The following CPNE8 variants were observed in gnomAD, a reference collection of about 807,000 sequenced individuals.
The protein encoded by CPNE8 is copine 8.
Under a neutral mutation model 81.5 loss-of-function variants are expected in CPNE8, and 45 were observed. The observed-to-expected ratio is 0.55, with a 90% CI of 0.44 to 0.71. The LOEUF is 0.71. Ranked by LOEUF, CPNE8 falls within the 30% of genes least tolerant of loss-of-function variation. CPNE8 has a pLI of 0.00. For missense variants in CPNE8, 594 were observed against 672.1 expected, an observed-to-expected ratio of 0.88 and a Z score of 1.28; for synonymous variants, 252 against 226.3, an observed-to-expected ratio of 1.11 and a Z score of -1.02.
chr12:38,880,483 GC>G (rs1412264410), intron 1 of CPNE8, among the ~76,000 whole-genome samples: 3 of 152,154 alleles, frequency 2.0e-5, no homozygotes, highest in African/African-American at 7.2e-5. Context: ...AGCATTTGGG[GC>G]CTTTGCTCTA....
At chr12:38,878,899 G>C (rs1242617499) in intron 1 of CPNE8, among the ~76,000 whole-genome samples, 2 of 152,030 alleles carry the variant, frequency 1.3e-5, no homozygotes, top group Admixed American at 1.3e-4. Context: ...TAACTAAACA[G>C]CAATATAGGA....
intron 10 of CPNE8, among the ~76,000 whole-genome samples, chr12:38,739,695 A>G (rs1941045184): frequency 6.6e-6 from 1 of 152,176 alleles, no homozygotes; most frequent in South Asian, 2.1e-4. Context: ...AGTTGATATA[A>G]TTAATTAGCG....
At chr12:38,749,427 G>C in intron 10 of CPNE8, among the ~76,000 whole-genome samples, 1 of 152,038 alleles carries the variant, frequency 6.6e-6, no homozygotes, top group Non-Finnish European at 1.5e-5. Context: ...ATGTGGAAAC[G>C]ACTTTGGAAC....
chr12:38,773,380 T>C lies in CPNE8; in HGVS notation c.471+2858A>G, dbSNP rs79529548. Among the ~76,000 whole-genome samples, 362 of 152,218 alleles carry C rather than the reference T, an allele frequency of 2.4e-3. 10 individuals carry two copies. In the East Asian group the frequency reaches 0.064, roughly 27 times the overall value. ...GGGGAACCATTGTAAGTGACTAATA[T>C]ATGACATTGATTGTGGTGATGGTTT... On this transcript the variant is annotated intron_variant, in intron 7 of 19. Transcript: ENST00000331366.
In CPNE8 at chr12:38,848,559, A is replaced by G; in HGVS notation, c.290T>C (p.Leu97Ser). The change falls in exon 4 of 20, where the codon TTG becomes TCG. Residue 97 changes from leucine (L) to serine (S), a missense_variant and splice_region_variant. Leu to Ser is a moderately radical substitution (Grantham distance 145, BLOSUM62 -2). Transcript: ENST00000331366. ...FEERENLRFD[L>S]YDVDSKSPNL... ...AAACGCAAGTTTTAGTAGAACTTAC[A>G]AGTCAAAACGAAGATTCTCTCTTTC... is the stretch of plus-strand genomic sequence containing the variant. 1 of 1,569,784 alleles carries G rather than the reference A, an allele frequency of 6.4e-7. No individual in the cohort carries two copies. Among genetic ancestry groups the G allele is most frequent in the East Asian group, 2.3e-5 (1 of 43,156 alleles).
intron 6 of CPNE8, among the ~76,000 whole-genome samples, chr12:38,807,622 A>T (rs1210719625): frequency 1.3e-5 from 2 of 151,786 alleles, no homozygotes; most frequent in Admixed American, 6.6e-5. Flanking sequence ...TAAAGACTTA[A>T]ACGTTAGACC....
intron 14 of CPNE8, among the ~76,000 whole-genome samples, chr12:38,698,113 A>T (rs1218437677): frequency 6.6e-6 from 1 of 152,232 alleles, no homozygotes; most frequent in African/African-American, 2.4e-5. Flanking sequence ...AGTGGGTATG[A>T]AATGATATCT....
Position 38,845,923 on chromosome 12 carries a change from C to T in CPNE8, c.290+2636G>A, listed in dbSNP as rs918931515. ...TGTTCTTTGAATTGAATTTCTGAAA[C>T]TAACAAAATACATGCAAAAGGTAAA... is the stretch of plus-strand genomic sequence containing the variant. On this transcript the variant is annotated intron_variant, in intron 4 of 19. Transcript: ENST00000331366. Among the ~76,000 whole-genome samples, 8 of 152,110 alleles carry T rather than the reference C, an allele frequency of 5.3e-5. 1 individual carries two copies. The highest frequency in any genetic ancestry group is 1.0e-4 in the Non-Finnish European group (7 of 68,000).
intron 1 of CPNE8, among the ~76,000 whole-genome samples, chr12:38,896,875 T>C (rs918241745): frequency 1.3e-5 from 2 of 152,136 alleles, no homozygotes; most frequent in Admixed American, 6.6e-5. Context: ...AGATACCTTC[T>C]TCTATGTTGC....
upstream of CPNE8, chr12:38,906,461 T>C: frequency 1.0e-6 from 1 of 985,534 alleles, no homozygotes; most frequent in Non-Finnish European, 1.2e-6. Context: ...CAGTAAGGGC[T>C]CTTCTGGGTC....
chr12:38,832,722 G>C (rs1004381378), intron 5 of CPNE8, among the ~76,000 whole-genome samples: 1 of 151,896 alleles, frequency 6.6e-6, no homozygotes, highest in Non-Finnish European at 1.5e-5. Flanking sequence ...GTAGAGACAG[G>C]GTTTCGCCAT....
intron 6 of CPNE8, among the ~76,000 whole-genome samples, chr12:38,776,521 G>C (rs967991181): frequency 6.6e-6 from 1 of 151,744 alleles, no homozygotes; most frequent in Non-Finnish European, 1.5e-5. Flanking sequence ...TGTTGGCCAA[G>C]CTGGTCTCAA....
intron 16 of CPNE8, among the ~76,000 whole-genome samples, chr12:38,680,477 C>A (rs951558854): frequency 6.6e-6 from 1 of 151,974 alleles, no homozygotes; most frequent in African/African-American, 2.4e-5. Flanking sequence ...AGATAGGTAG[C>A]TTTGTTGCAT....
intron 7 of CPNE8, among the ~76,000 whole-genome samples, chr12:38,775,600 A>G (rs1941915468): frequency 6.6e-6 from 1 of 152,194 alleles, no homozygotes; most frequent in Non-Finnish European, 1.5e-5. Flanking sequence ...CTGGAGTGTC[A>G]TAGCTATCAC....
chr12:38,873,103 T>G (rs1944016534), intron 2 of CPNE8, 53 bp from the exon 3 acceptor site: 1 of 1,067,760 alleles, frequency 9.4e-7, no homozygotes, highest in Non-Finnish European at 1.4e-6. Context: ...GAAAATCATA[T>G]GTGAATGTAT....
chr12:38,719,109 C>T (rs1054138135), intron 13 of CPNE8, among the ~76,000 whole-genome samples: 7 of 151,674 alleles, frequency 4.6e-5, no homozygotes, highest in Admixed American at 4.6e-4. Context: ...AATAAGATGT[C>T]ATTAGGTCAT....
Position 38,831,680 on chromosome 12 carries a change from C to G in CPNE8, c.331-2225G>C, listed in dbSNP as rs1252042976. ...TTAAACACCTTTCATAATGGCACTT[C>G]TTTATCAATATCAAAACAGATTTTA... On this transcript the variant is annotated intron_variant, in intron 5 of 19. Coordinates refer to ENST00000331366, the MANE Select transcript of CPNE8 (RefSeq NM_153634.3). Among the ~76,000 whole-genome samples the G allele has an allele frequency of 2.0e-5, 3 of 152,166 alleles. No homozygotes were observed. The East Asian group carries it at 5.8e-4, about 29-fold the overall frequency.
At chr12:38,745,716 A>C (rs1021257) in intron 10 of CPNE8, among the ~76,000 whole-genome samples, 3,481 of 152,210 alleles carry the variant, frequency 0.023, 66 homozygotes, top group East Asian at 0.092. Flanking sequence ...CTAATTTAAA[A>C]AAATTATTTG....
intron 6 of CPNE8, among the ~76,000 whole-genome samples, chr12:38,817,472 G>A (rs921855426): frequency 3.9e-5 from 6 of 151,998 alleles, no homozygotes; most frequent in Non-Finnish European, 8.8e-5. Flanking sequence ...CCTCATCCTT[G>A]AAATGACCTA....
Sources: allele counts gnomAD v4.1 joint callset (sites outside exome capture counted in the v4.1 genomes callset), GRCh38; gene constraint gnomAD v4.1.1; transcripts MANE v1.5; gene names NCBI Gene and HGNC (gene_info 2026-07-23, HGNC 2026-07-21).